The following ELOVL6 variants were observed in gnomAD, a reference collection of about 807,000 sequenced individuals.
ELOVL6 encodes very long chain fatty acid elongase 6.
ELOVL6 carries 8 observed loss-of-function variants against 31.7 expected under a neutral mutation model. The ratio of observed to expected loss-of-function variants is 0.25; its 90% confidence interval spans 0.15 to 0.45. The LOEUF (loss-of-function observed/expected upper bound fraction) is 0.45, where lower values mean the gene tolerates loss of function less well. Ranked by LOEUF, ELOVL6 falls within the 20% of genes least tolerant of loss-of-function variation. The pLI is 1.00. For missense variants in ELOVL6, 126 were observed against 326.4 expected, an observed-to-expected ratio of 0.39 and a Z score of 4.73; for synonymous variants, 101 against 117.7, an observed-to-expected ratio of 0.86 and a Z score of 0.92.
chr4:110,195,980 A>G (rs1759764190), intron 1 of ELOVL6, among the ~76,000 whole-genome samples: 3 of 152,196 alleles, frequency 2.0e-5, no homozygotes, highest in African/African-American at 7.2e-5. Flanking sequence ...GTCAGAACCT[A>G]ACAGGAGTAG....
intron 1 of ELOVL6, among the ~76,000 whole-genome samples, chr4:110,196,366 G>C (rs141045858): frequency 6.6e-6 from 1 of 152,174 alleles, no homozygotes; most frequent in South Asian, 2.1e-4. Context: ...GTGCGGAGAA[G>C]ACCCGGGCCC....
chr4:110,167,250 TTAGAG>T (rs1228239479), intron 1 of ELOVL6, among the ~76,000 whole-genome samples: 4 of 152,204 alleles, frequency 2.6e-5, no homozygotes, highest in South Asian at 2.1e-4. Flanking sequence ...GTAATCGCTA[TTAGAG>T]TATTTTTACA....
At chr4:110,141,578 C>T (rs371453710) in intron 1 of ELOVL6, among the ~76,000 whole-genome samples, 5 of 151,398 alleles carry the variant, frequency 3.3e-5, no homozygotes, top group African/African-American at 7.3e-5. Flanking sequence ...TGGGGAGGGG[C>T]GATCCTAACC....
intron 2 of ELOVL6, among the ~76,000 whole-genome samples, chr4:110,096,282 G>A (rs1756577532): frequency 1.3e-5 from 2 of 152,102 alleles, no homozygotes; most frequent in Admixed American, 6.5e-5. Context: ...AAGTTGCATG[G>A]ACCCCAGTTA....
chr4:110,112,496 C>G (rs1560827917), intron 1 of ELOVL6, among the ~76,000 whole-genome samples: 1 of 152,120 alleles, frequency 6.6e-6, no homozygotes, highest in Non-Finnish European at 1.5e-5. Context: ...CTTAATAAAA[C>G]TGATCAGAAA....
At chr4:110,107,038 G>A (rs1198872583) in intron 1 of ELOVL6, among the ~76,000 whole-genome samples, 1 of 152,152 alleles carries the variant, frequency 6.6e-6, no homozygotes, top group East Asian at 1.9e-4. Context: ...TGAGAAATAA[G>A]TTACAAAACA....
intron 1 of ELOVL6, among the ~76,000 whole-genome samples, chr4:110,157,391 C>T (rs1400001978): frequency 6.6e-6 from 1 of 152,088 alleles, no homozygotes; most frequent in East Asian, 1.9e-4. Flanking sequence ...CTTGGATAGG[C>T]CAGGTGCGGT....
At chr4:110,175,247 G>C (rs2126275220) in intron 1 of ELOVL6, among the ~76,000 whole-genome samples, 1 of 152,148 alleles carries the variant, frequency 6.6e-6, no homozygotes, top group Non-Finnish European at 1.5e-5. Flanking sequence ...GCCACGCGTG[G>C]TGGTGCACGC....
chr4:110,083,847 C>A (rs1755964608), intron 2 of ELOVL6, among the ~76,000 whole-genome samples: 1 of 148,024 alleles, frequency 6.8e-6, no homozygotes, highest in South Asian at 2.1e-4. Context: ...AGTATAGCTG[C>A]TTAGACTCCC....
chr4:110,073,535 C>T (rs985903668), intron 2 of ELOVL6, among the ~76,000 whole-genome samples: 7 of 152,274 alleles, frequency 4.6e-5, no homozygotes, highest in Middle Eastern at 3.4e-3. Context: ...TTCAAAAAGT[C>T]TGTGGTATTT....
intron 1 of ELOVL6, among the ~76,000 whole-genome samples, chr4:110,186,050 C>T (rs900101243): frequency 7.9e-5 from 12 of 151,928 alleles, no homozygotes; most frequent in Non-Finnish European, 1.3e-4. Flanking sequence ...ATTAGCCAGG[C>T]ATGGTGGCAG....
At chr4:110,147,681 C>G (rs1758157273) in intron 1 of ELOVL6, among the ~76,000 whole-genome samples, 1 of 151,318 alleles carries the variant, frequency 6.6e-6, no homozygotes, top group South Asian at 2.1e-4. Flanking sequence ...TTCCCAGATA[C>G]TTGAGAGGCT....
chr4:110,127,406 C>CAAAAAAAAAAAAAAAAAA (rs572027886), intron 1 of ELOVL6, among the ~76,000 whole-genome samples: 2 of 85,516 alleles, frequency 2.3e-5, no homozygotes, highest in East Asian at 3.9e-4. Context: ...GATTCCGTCT[C>CAAAAAAAAAAAAAAAAAA]AAAAAAAAAA....
At chr4:110,066,567 A>C (rs936107571) in intron 2 of ELOVL6, among the ~76,000 whole-genome samples, 1 of 133,290 alleles carries the variant, frequency 7.5e-6, no homozygotes, top group African/African-American at 2.8e-5. Flanking sequence ...TGAACGCAGG[A>C]GGGGGAGCCT....
intron 1 of ELOVL6, among the ~76,000 whole-genome samples, chr4:110,113,051 C>T (rs1274870442): frequency 2.0e-5 from 3 of 151,576 alleles, no homozygotes; most frequent in African/African-American, 4.8e-5. Context: ...GGTGAAACCC[C>T]GTCTCTACTA....
At chr4:110,089,055 C>G (rs1456588981) in intron 2 of ELOVL6, among the ~76,000 whole-genome samples, 2 of 151,122 alleles carry the variant, frequency 1.3e-5, no homozygotes, top group Non-Finnish European at 3.0e-5. Flanking sequence ...CTCCAAAAAT[C>G]AGATCTACCC....
At chr4:110,149,017 T>C (rs1002098177) in intron 1 of ELOVL6, among the ~76,000 whole-genome samples, 4 of 152,170 alleles carry the variant, frequency 2.6e-5, no homozygotes, top group African/African-American at 9.7e-5. Context: ...CAAGCCACTA[T>C]GCCCAGCTAA....
intron 1 of ELOVL6, among the ~76,000 whole-genome samples, chr4:110,155,543 C>G (rs1758391295): frequency 6.6e-6 from 1 of 152,116 alleles, no homozygotes; most frequent in South Asian, 2.1e-4. Flanking sequence ...CAGAATTTAT[C>G]TATGCGATTG....
intron 2 of ELOVL6, among the ~76,000 whole-genome samples, chr4:110,101,883 C>T (rs1199781234): frequency 6.6e-6 from 1 of 152,090 alleles, no homozygotes. Context: ...TCATGTTGCC[C>T]AGGCTGGTCT....
Sources: allele counts gnomAD v4.1 joint callset (sites outside exome capture counted in the v4.1 genomes callset), GRCh38; gene constraint gnomAD v4.1.1; transcripts MANE v1.5; gene names NCBI Gene and HGNC (gene_info 2026-07-23, HGNC 2026-07-21).